NAA11: variants seen among roughly 807,000 people sequenced by gnomAD.
NAA11 encodes the protein N-alpha-acetyltransferase 11.
NAA11 carries 15 observed loss-of-function variants against 16.1 expected under a neutral mutation model. That is an observed-to-expected ratio of 0.93 (90% confidence interval 0.62 to 1.44). NAA11 has a LOEUF of 1.44. Among genes scored for constraint, NAA11 ranks in the 40% most tolerant of loss-of-function variants. The pLI, the probability that NAA11 is intolerant of heterozygous loss-of-function variation, is 0.00. For missense variants in NAA11, 298 were observed against 291.3 expected, an observed-to-expected ratio of 1.02 and a Z score of -0.17; for synonymous variants, 122 against 112.4, an observed-to-expected ratio of 1.09 and a Z score of -0.54.
the NAA11 span, among the ~76,000 whole-genome samples, chr4:79,205,525 G>A: frequency 2.0e-5 from 3 of 151,868 alleles, no homozygotes; most frequent in Non-Finnish European, 2.9e-5. Flanking sequence ...TTTGTCAGAC[G>A]CATAGTTTGT....
intron 1 of NAA11, among the ~76,000 whole-genome samples, chr4:79,303,504 T>C (rs995347279): frequency 1.3e-5 from 2 of 152,066 alleles, no homozygotes; most frequent in Non-Finnish European, 2.9e-5. Context: ...AGTGGGAGAA[T>C]TGGTGAACTG....
At chr4:79,158,691 A>G in the NAA11 span, among the ~76,000 whole-genome samples, 1 of 136,824 alleles carries the variant, frequency 7.3e-6, no homozygotes, top group Non-Finnish European at 1.6e-5. Flanking sequence ...GAGGCATCAC[A>G]TTACCTGATA....
intron 2 of NAA11, among the ~76,000 whole-genome samples, chr4:79,264,511 C>G (rs939221377): frequency 6.6e-6 from 1 of 152,146 alleles, no homozygotes; most frequent in South Asian, 2.1e-4. Flanking sequence ...CTTTCACATA[C>G]TTTCTTCTTA....
chr4:79,211,748 A>G, the NAA11 span: 1 of 152,242 alleles, frequency 6.6e-6, no homozygotes, highest in Non-Finnish European at 1.5e-5. Flanking sequence ...AGGCGAGGAA[A>G]TTTCAGAAGA....
rs539575175 is a variant in NAA11, at chr4:79,317,769, T to A, written c.*35A>T. On this transcript the variant is annotated 3_prime_UTR_variant, in exon 2 of 2. Coordinates refer to ENST00000286794, the MANE Select transcript of NAA11 (RefSeq NM_032693.3). ...GCCAGGGTTCACAGAGTAGATGTGG[T>A]TGAGACATGAGGACCTGAAATGCTG... 2 of 152,342 alleles carry A rather than the reference T, an allele frequency of 1.3e-5. No individual in the cohort carries two copies. The highest frequency in any genetic ancestry group is 4.8e-5 in the African/African-American group (2 of 41,558). The allele number at this position is 152,342 out of a possible 1,614,324, so 9.4% of individuals were successfully genotyped here. A position where few individuals can be genotyped will look rare whatever the true frequency, so the allele number is the denominator to read the frequency against.
chr4:79,311,352 A>T (rs1723764114), intron 1 of NAA11, among the ~76,000 whole-genome samples: 1 of 152,206 alleles, frequency 6.6e-6, no homozygotes, highest in African/African-American at 2.4e-5. Flanking sequence ...GAACAAACAG[A>T]GGATCCAATA....
chr4:79,281,572 T>TA (rs1242621209), intron 2 of NAA11, among the ~76,000 whole-genome samples: 4 of 152,030 alleles, frequency 2.6e-5, no homozygotes, highest in African/African-American at 9.7e-5. Flanking sequence ...TACTACAAGA[T>TA]AAGTGATTAA....
the NAA11 span, among the ~76,000 whole-genome samples, chr4:79,220,606 ATTTG>A: frequency 2.0e-5 from 3 of 152,070 alleles, no homozygotes; most frequent in Non-Finnish European, 4.4e-5. Context: ...AATAGTATTA[ATTTG>A]TTTAATTGCA....
At chr4:79,286,345 G>A (rs1010731344) in intron 2 of NAA11, among the ~76,000 whole-genome samples, 2 of 151,940 alleles carry the variant, frequency 1.3e-5, no homozygotes, top group African/African-American at 4.8e-5. Flanking sequence ...AATAATAAAC[G>A]CTTGAGCAAT....
chr4:79,197,477 G>A, the NAA11 span: 1 of 152,022 alleles, frequency 6.6e-6, no homozygotes, highest in Non-Finnish European at 1.5e-5. Context: ...ACTTGGCCAT[G>A]TGACTTGTTT....
chr4:79,179,774 A>G, the NAA11 span, among the ~76,000 whole-genome samples: 1 of 152,202 alleles, frequency 6.6e-6, no homozygotes, highest in South Asian at 2.1e-4. Context: ...TCATGGTTCT[A>G]TTTGTTCATT....
the NAA11 span, among the ~76,000 whole-genome samples, chr4:79,208,940 AAAAAAAACCCC>A: frequency 1.3e-5 from 2 of 148,856 alleles, no homozygotes; most frequent in African/African-American, 4.9e-5. Flanking sequence ...AAAAAAAAAA[AAAAAAAACCCC>A]AAAAAACCAA....
At position 79,230,743 on chromosome 4, in the gene NAA11, A is replaced by G. The variant is rs552713745; in HGVS notation, c.*123-4473T>C. Among the ~76,000 whole-genome samples the G allele has an allele frequency of 1.1e-4, 17 of 152,074 alleles. No individual in the cohort carries two copies. In the East Asian group the frequency reaches 1.7e-3, roughly 16 times the overall value. ...CTTTCTTATCTGTTGTTTAATATCA[A>G]TTCTTCTGGTCCTGAATATTAAGGC... On this transcript the variant is annotated intron_variant and NMD_transcript_variant, in intron 2 of 2. Coordinates refer to the NAA11 transcript ENST00000511542.
chr4:79,218,039 A>C, the NAA11 span, among the ~76,000 whole-genome samples: 1 of 152,298 alleles, frequency 6.6e-6, no homozygotes, highest in Middle Eastern at 3.4e-3. Context: ...TGAAGGGTGC[A>C]GAATTTAAAA....
the NAA11 span, among the ~76,000 whole-genome samples, chr4:79,219,831 A>G: frequency 2.0e-5 from 3 of 152,192 alleles, no homozygotes; most frequent in Non-Finnish European, 4.4e-5. Flanking sequence ...AAAATAAACC[A>G]TTCTCCTACA....
chr4:79,173,646 A>C, the NAA11 span, among the ~76,000 whole-genome samples: 1 of 152,114 alleles, frequency 6.6e-6, no homozygotes. Flanking sequence ...GATACTGAGA[A>C]TAGAACCACT....
At chr4:79,177,316 C>A in the NAA11 span, among the ~76,000 whole-genome samples, 48 of 151,866 alleles carry the variant, frequency 3.2e-4, 1 homozygote, top group South Asian at 1.0e-2. Context: ...GCCCAGAAGA[C>A]GGTGTCTCCC....
At chr4:79,296,928 G>C (rs892581168) in intron 1 of NAA11, among the ~76,000 whole-genome samples, 3 of 152,208 alleles carry the variant, frequency 2.0e-5, no homozygotes, top group Non-Finnish European at 2.9e-5. Flanking sequence ...GGCAGCGGCA[G>C]ACCATCCAGA....
At chr4:79,322,028 C>A (rs146234688) in intron 1 of NAA11, among the ~76,000 whole-genome samples, 148 of 152,320 alleles carry the variant, frequency 9.7e-4, no homozygotes, top group Non-Finnish European at 1.9e-3. Flanking sequence ...CACCACCACA[C>A]TGATGACCCA....
Sources: gnomAD v4.1 joint callset for allele counts (sites outside exome capture counted in the v4.1 genomes callset) on GRCh38, gnomAD v4.1.1 for gene constraint, MANE v1.5 for transcripts, NCBI Gene and HGNC (gene_info 2026-07-23, HGNC 2026-07-21) for gene names.